HOXB3: variants seen among roughly 807,000 people sequenced by gnomAD.
The protein encoded by HOXB3 is homeobox protein Hox-B3.
HOXB3 carries 17 observed loss-of-function variants against 29.2 expected under a neutral mutation model. The observed-to-expected ratio is 0.58, with a 90% CI of 0.40 to 0.87. The LOEUF is 0.87. HOXB3 is among the 40% of genes least tolerant of loss of function. The pLI, the probability that HOXB3 is intolerant of heterozygous loss-of-function variation, is 0.00. For synonymous variants in HOXB3, 317 were observed against 285.9 expected (o/e 1.11, Z -1.10); for missense variants, 637 against 616.3 (o/e 1.03, Z -0.35).
Position 48,550,227 on chromosome 17 carries a change from G to A in HOXB3, c.*107C>T, listed in dbSNP as rs2068661726. 2.7e-6 allele frequency: 4 copies of A among 1,477,312 alleles called. No individual in the cohort carries two copies. In the Admixed American group the frequency reaches 5.9e-5, roughly 22 times the overall value. 91.5% of individuals were successfully genotyped at this position (1,477,312 alleles called of 1,614,324 possible). On this transcript the variant is annotated 3_prime_UTR_variant, in exon 5 of 5. Coordinates refer to ENST00000498678, the MANE Select transcript of HOXB3 (RefSeq NM_001384749.1). Reference sequence around the variant, plus strand: ...CAGGCCGGTTCTGACCAGGAAGCCTGGGTACCACCTTCTCTGGCTCCTCTT... The same window carrying A: ...CAGGCCGGTTCTGACCAGGAAGCCTAGGTACCACCTTCTCTGGCTCCTCTT...
intron 1 of HOXB3, chr17:48,579,805 C>CAT (rs756061773): frequency 4.6e-4 from 200 of 433,874 alleles, no homozygotes; most frequent in African/African-American, 2.7e-3. Flanking sequence ...ACTACATATA[C>CAT]ATATATATAT....
At position 48,550,407 on chromosome 17, in the gene HOXB3, G is replaced by A. The variant is rs764116024; in HGVS notation, c.1223C>T (p.Thr408Ile). 6.2e-7 allele frequency: 1 copy of A among 1,614,110 alleles called. No homozygotes were observed. ...HGPCEPHPTY[T>I]DLSSHHAPPP... ...AGGCGCGTGGTGAGAGGAGAGGTCT[G>A]TGTAGGTGGGGTGGGGTTCGCAGGG... Residue 408 changes from threonine to isoleucine, a missense_variant, in exon 5 of 5, where the codon ACA becomes ATA. Physicochemically the swap from Thr to Ile is moderately conservative, Grantham distance 89. Transcript: ENST00000498678.
rs372856164 is a variant in HOXB3, at chr17:48,575,015, C to G, written c.-424-1001G>C. On this transcript the variant is annotated intron_variant, in intron 1 of 4. Coordinates refer to ENST00000498678, the MANE Select transcript of HOXB3 (RefSeq NM_001384749.1). ...GTGCAAAAAATTATACTCATTAAAG[C>G]CTTAAACACCTCAGAGGAAAGCGAT... The G allele has an allele frequency of 9.9e-5, 15 of 152,284 alleles. No homozygotes were observed. In the East Asian group the frequency reaches 2.7e-3, roughly 27 times the overall value. The allele number at this position is 152,284 out of a possible 1,614,324, so 9.4% of individuals were successfully genotyped here.
chr17:48,580,359 G>A (rs1344011450), intron 1 of HOXB3: 1 of 137,590 alleles, frequency 7.3e-6, no homozygotes, highest in African/African-American at 2.9e-5. Context: ...AACCCCAATC[G>A]GCTCCTCCGT....
chr17:48,555,749 C>T (rs775370332), intron 2 of HOXB3, 131 bp from the exon 3 acceptor site: 28 of 639,916 alleles, frequency 4.4e-5, no homozygotes, highest in South Asian at 1.8e-5. Context: ...GCGCGGCGTC[C>T]GCTTCAATTC....
intron 1 of HOXB3, among the ~76,000 whole-genome samples, chr17:48,583,997 A>G (rs1208438872): frequency 2.0e-5 from 3 of 152,232 alleles, no homozygotes; most frequent in Non-Finnish European, 4.4e-5. Context: ...TGTACCTCCT[A>G]TAGTAAATGC....
At chr17:48,556,052 TAAG>T (rs1269474114) in intron 2 of HOXB3, among the ~76,000 whole-genome samples, 4 of 150,958 alleles carry the variant, frequency 2.6e-5, no homozygotes, top group Non-Finnish European at 2.9e-5. Flanking sequence ...AGATGCCTGA[TAAG>T]GAGGGAAGGT....
intron 3 of HOXB3, 159 bp downstream of exon 3, chr17:48,555,372 G>C: frequency 1.7e-6 from 1 of 601,634 alleles, no homozygotes; most frequent in South Asian, 1.8e-5. Flanking sequence ...GAGGGAGGGA[G>C]GGAGGGAGGG....
At chr17:48,588,483 A>G (rs970760012) in intron 1 of HOXB3, among the ~76,000 whole-genome samples, 1 of 152,204 alleles carries the variant, frequency 6.6e-6, no homozygotes, top group Admixed American at 6.5e-5. Context: ...AGGGAAGTAT[A>G]TTAGAGTGAG....
chr17:48,556,124 T>TAAGA (rs2068979681), intron 2 of HOXB3, among the ~76,000 whole-genome samples: 1 of 143,132 alleles, frequency 7.0e-6, no homozygotes, highest in South Asian at 2.2e-4. Flanking sequence ...AAAAAAAGAG[T>TAAGA]AAGAAGAAAA....
At chr17:48,570,378 G>C (rs377452601) in intron 2 of HOXB3, among the ~76,000 whole-genome samples, 3 of 152,262 alleles carry the variant, frequency 2.0e-5, no homozygotes, top group East Asian at 3.9e-4. Flanking sequence ...GCATGGGATG[G>C]GGGGTGGGGA....
intron 1 of HOXB3, 26 bp from the exon 2 acceptor site, chr17:48,574,040 G>T: frequency 1.7e-6 from 1 of 598,012 alleles, no homozygotes; most frequent in Non-Finnish European, 2.9e-6. Flanking sequence ...AAAGGAGAGA[G>T]GATACGTATT....
At position 48,552,453 on chromosome 17, in the gene HOXB3, C is replaced by A. The variant is rs371859128; in HGVS notation, c.22G>T (p.Asp8Tyr). ...CCGAAGAGAGCAGCCGCGGCGTTGT[C>A]GTAGTAGGTGGCTTTCTGCATCGCT... MQKATYY[D>Y]NAAAALFGGY... Residue 8 changes from aspartate to tyrosine, a missense_variant, in exon 4 of 5, where the codon GAC (aspartate) becomes TAC (tyrosine). Physicochemically the swap from Asp to Tyr is radical, Grantham distance 160 (BLOSUM62 -3). Coordinates refer to ENST00000498678, the MANE Select transcript of HOXB3 (RefSeq NM_001384749.1). The A allele has an allele frequency of 1.5e-5, 23 of 1,574,314 alleles. No homozygotes were observed. Among genetic ancestry groups the A allele is most frequent in the Non-Finnish European group, 1.6e-5 (19 of 1,157,154 alleles).
intron 2 of HOXB3, among the ~76,000 whole-genome samples, chr17:48,559,025 A>G: frequency 6.6e-6 from 1 of 152,072 alleles, no homozygotes. Context: ...AGCATAAACT[A>G]ATGAAGTAAA....
In HOXB3 at chr17:48,550,274, C is replaced by CCAGAGCTCCA; in HGVS notation, c.*50_*59dup. The CCAGAGCTCCA allele has an allele frequency of 6.2e-7, 1 of 1,606,988 alleles. No homozygotes were observed. The highest frequency in any genetic ancestry group is 1.7e-5 in the Admixed American group (1 of 59,686). ...TCTTTTCAGACCTCCAGGTTGCCCC[C>CCAGAGCTCCA]CAGAGCTCCACAGTCTCTCTCTTCC... On this transcript the variant is annotated 3_prime_UTR_variant, in exon 5 of 5. Coordinates refer to ENST00000498678, the MANE Select transcript of HOXB3 (RefSeq NM_001384749.1).
chr17:48,565,559 C>T (rs1370012070), intron 2 of HOXB3, among the ~76,000 whole-genome samples: 1 of 152,222 alleles, frequency 6.6e-6, no homozygotes, highest in Non-Finnish European at 1.5e-5. Context: ...AATTCTGCGT[C>T]TCTCAGTGTC....
rs923515927 is a variant in HOXB3, at chr17:48,550,886, C to T, written c.744G>A (p.Lys248=). The T allele has an allele frequency of 5.6e-6, 9 of 1,613,986 alleles. No homozygotes were observed. Among genetic ancestry groups the T allele is most frequent in the East Asian group, 4.5e-5 (2 of 44,860 alleles). ...NRRMKYKKDQ[K]AKGLASSSGG... ...CCGACGACGAGGCCAATCCCTTGGC[C>T]TTCTGGTCCTTCTTGTACTTCATGC... is the stretch of plus-strand genomic sequence containing the variant. Residue 248 remains lysine, a synonymous_variant, in exon 5 of 5, where the codon AAG becomes AAA. Coordinates refer to ENST00000498678, the MANE Select transcript of HOXB3 (RefSeq NM_001384749.1).
In HOXB3 at chr17:48,550,823, C is replaced by A. The variant is rs1422779432; in HGVS notation, c.807G>T (p.Met269Ile). The A allele has an allele frequency of 6.2e-7, 1 of 1,613,598 alleles. No homozygotes were observed. Among genetic ancestry groups the A allele is most frequent in the African/African-American group, 1.3e-5 (1 of 74,834 alleles). ...PSPAGSPPQP[M>I]QSTAGFMNAL... ...CGTTCATGAAGCCGGCCGTGGACTG[C>A]ATGGGCTGCGGGGGGCTGCCGGCTG... Residue 269 changes from methionine (M) to isoleucine (I), a missense_variant, in exon 5 of 5, where the codon ATG becomes ATT. Coordinates refer to ENST00000498678, the MANE Select transcript of HOXB3 (RefSeq NM_001384749.1).
chr17:48,550,800 T>C lies in HOXB3; in HGVS notation c.830A>G (p.Asn277Ser), dbSNP rs1169093373. Residue 277 changes from asparagine (N) to serine (S), a missense_variant, in exon 5 of 5, where the codon AAC (asparagine) becomes AGC (serine). Asn to Ser is a conservative substitution (Grantham distance 46). Transcript: ENST00000498678. Reference sequence around the variant, plus strand: ...GCTGGGGGTCATGGAGTGTAAGGCGTTCATGAAGCCGGCCGTGGACTGCAT... The same window carrying C: ...GCTGGGGGTCATGGAGTGTAAGGCGCTCATGAAGCCGGCCGTGGACTGCAT... ...QPMQSTAGFMNALHSMTPSYE... is the reference protein window; with the variant it reads ...QPMQSTAGFMSALHSMTPSYE... 6.2e-7 allele frequency: 1 copy of C among 1,613,150 alleles called. No homozygotes were observed. The highest frequency in any genetic ancestry group is 1.3e-5 in the African/African-American group (1 of 74,908).
Sources: gnomAD v4.1 joint callset for allele counts (sites outside exome capture counted in the v4.1 genomes callset) on GRCh38, gnomAD v4.1.1 for gene constraint, MANE v1.5 for transcripts, NCBI Gene and HGNC (gene_info 2026-07-23, HGNC 2026-07-21) for gene names.